The following RASSF4 variants were observed in gnomAD, a reference collection of about 807,000 sequenced individuals.
RASSF4 encodes Ras association domain family member 4.
RASSF4 carries 38 observed loss-of-function variants against 41.1 expected under a neutral mutation model. That is an observed-to-expected ratio of 0.92 (90% CI 0.71 to 1.21). The LOEUF (loss-of-function observed/expected upper bound fraction) is 1.21. Among genes scored for constraint, RASSF4 ranks in the 50% most tolerant of loss-of-function variants. RASSF4 has a pLI of 0.00. For missense variants in RASSF4, 414 were observed against 419.4 expected, an observed-to-expected ratio of 0.99 and a Z score of 0.11; for synonymous variants, 179 against 163.4, an observed-to-expected ratio of 1.10 and a Z score of -0.73.
chr10:44,964,518 G>A (rs933857453), intron 1 of RASSF4, among the ~76,000 whole-genome samples: 4 of 152,240 alleles, frequency 2.6e-5, no homozygotes, highest in African/African-American at 9.6e-5. Flanking sequence ...AGCCTGGGTG[G>A]CAGGCCAGCC....
chr10:44,974,645 C>T (rs1337247976), intron 3 of RASSF4, among the ~76,000 whole-genome samples: 1 of 152,126 alleles, frequency 6.6e-6, no homozygotes, highest in African/African-American at 2.4e-5. Context: ...GTCACTGCCC[C>T]TCACCCGCAG....
At position 44,993,794 on chromosome 10, in the gene RASSF4, G is replaced by A. The variant is rs1230916506; in HGVS notation, c.*465G>A. ...AAGCAGGGCCTGCCAGCAGGTATGAGATCTAGCCTGCTTTCAGCCATCACC... is the reference window on the plus strand; with the variant it reads ...AAGCAGGGCCTGCCAGCAGGTATGAAATCTAGCCTGCTTTCAGCCATCACC... On this transcript the variant is annotated 3_prime_UTR_variant, in exon 11 of 11. Transcript: ENST00000340258. 1 of 162,696 alleles carries A rather than the reference G, an allele frequency of 6.1e-6. No individual in the cohort carries two copies. The highest frequency in any genetic ancestry group is 1.4e-5 in the Non-Finnish European group (1 of 73,776). 10.1% of individuals were successfully genotyped at this position (162,696 alleles called of 1,614,324 possible).
intron 1 of RASSF4, among the ~76,000 whole-genome samples, chr10:44,962,795 G>A (rs1840755521): frequency 6.6e-6 from 1 of 152,244 alleles, no homozygotes; most frequent in African/African-American, 2.4e-5. Flanking sequence ...GGTTCCAGGA[G>A]CAGAGAATGT....
At position 44,995,768 on chromosome 10, in the gene RASSF4, G is replaced by T. The variant is rs1348517841; in HGVS notation, c.*2439G>T. The T allele has an allele frequency of 1.3e-5, 2 of 152,112 alleles. No homozygotes were observed. Among genetic ancestry groups the T allele is most frequent in the African/African-American group, 4.8e-5 (2 of 41,394 alleles). 9.4% of individuals were successfully genotyped at this position (152,112 alleles called of 1,614,324 possible). A position where few individuals can be genotyped will look rare whatever the true frequency, so the allele number is the denominator to read the frequency against. On this transcript the variant is annotated 3_prime_UTR_variant, in exon 11 of 11. Transcript: ENST00000340258. ...TCAAACGTTAGAGGCTGGTCTCTGT[G>T]GTTTCCTACTGGTTCCTGTGGGGAG...
In RASSF4 at chr10:44,977,122, G is replaced by C. The variant is rs1296593747; in HGVS notation, c.138+5274G>C. 4.1e-5 allele frequency: 16 copies of C among 392,042 alleles called. No homozygotes were observed. The East Asian group carries it at 6.4e-4, about 16-fold the overall frequency. 24.3% of individuals were successfully genotyped at this position (392,042 alleles called of 1,614,324 possible). A position where few individuals can be genotyped will look rare whatever the true frequency, so the allele number is the denominator to read the frequency against. On this transcript the variant is annotated intron_variant, in intron 3 of 10. Coordinates refer to ENST00000340258, the MANE Select transcript of RASSF4 (RefSeq NM_032023.4). ...GTAATTATCCCTATATTACCCATGA[G>C]AAACTGAGGAACACAGATGTTAAGT... is the stretch of plus-strand genomic sequence containing the variant.
intron 2 of RASSF4, chr10:44,971,382 G>A: frequency 2.5e-6 from 1 of 407,518 alleles, no homozygotes; most frequent in Non-Finnish European, 5.0e-6. Flanking sequence ...GAAGTGATAT[G>A]GGGAAAAGCA....
At chr10:44,963,962 C>T (rs1362016399) in intron 1 of RASSF4, among the ~76,000 whole-genome samples, 4 of 152,216 alleles carry the variant, frequency 2.6e-5, no homozygotes, top group Non-Finnish European at 5.9e-5. Flanking sequence ...GTCACGAAAG[C>T]CTCACTTCAC....
chr10:44,971,595 C>T, intron 2 of RASSF4, 178 bp from the exon 3 acceptor site: 1 of 699,608 alleles, frequency 1.4e-6, no homozygotes, highest in Non-Finnish European at 2.6e-6. Flanking sequence ...GGGCCATGTG[C>T]AGAACCATCC....
chr10:44,975,954 G>A (rs1448744833), intron 3 of RASSF4, among the ~76,000 whole-genome samples: 1 of 151,990 alleles, frequency 6.6e-6, no homozygotes, highest in African/African-American at 2.4e-5. Context: ...GGGCTGTAGT[G>A]AGGCTGGGCC....
chr10:44,984,658 G>A (rs975583284), intron 5 of RASSF4, 155 bp from the exon 6 acceptor site: 38 of 836,506 alleles, frequency 4.5e-5, no homozygotes, highest in Non-Finnish European at 6.9e-5. Context: ...TGCAAGCTGG[G>A]AATATCCAGC....
intron 1 of RASSF4, among the ~76,000 whole-genome samples, chr10:44,961,143 T>C (rs750963032): frequency 1.3e-5 from 2 of 152,208 alleles, no homozygotes; most frequent in Non-Finnish European, 2.9e-5. Flanking sequence ...TGTCAGTGTA[T>C]GTGAAGGCTG....
chr10:44,975,798 TA>T (rs1415008366), intron 3 of RASSF4, among the ~76,000 whole-genome samples: 1 of 151,282 alleles, frequency 6.6e-6, no homozygotes, highest in Non-Finnish European at 1.5e-5. Context: ...AGCTGGGTAT[TA>T]GTGAGGAAGC....
Position 44,970,227 on chromosome 10 carries a change from T to G in RASSF4, c.25T>G (p.Ser9Ala), listed in dbSNP as rs1841092967. 1 of 1,613,960 alleles carries G rather than the reference T, an allele frequency of 6.2e-7. No individual in the cohort carries two copies. The highest frequency in any genetic ancestry group is 8.5e-7 in the Non-Finnish European group (1 of 1,179,934). MKEDCLPS[S>A]HVPISDSKSI... ...GATGAAGGAAGACTGTCTGCCGAGT[T>G]CTCACGTGCCCATCAGTGACAGCAA... The change falls in exon 2 of 11, where the codon TCT becomes GCT. Residue 9 changes from serine (S) to alanine (A), a missense_variant. Physicochemically the swap from Ser to Ala is moderately conservative, Grantham distance 99. Transcript: ENST00000340258.
chr10:44,985,949 C>T (rs954123249), intron 6 of RASSF4, among the ~76,000 whole-genome samples: 2 of 152,232 alleles, frequency 1.3e-5, no homozygotes, highest in Admixed American at 1.3e-4. Flanking sequence ...AAAGGGGACC[C>T]AGGATTGAAG....
chr10:44,993,138 T>A, intron 10 of RASSF4, 131 bp from the exon 11 acceptor site: 1 of 726,412 alleles, frequency 1.4e-6, no homozygotes, highest in East Asian at 2.7e-5. Flanking sequence ...GCCTTCCCCC[T>A]CCTTGGCAGA....
At chr10:44,962,352 TTGTG>T (rs1840739786) in intron 1 of RASSF4, among the ~76,000 whole-genome samples, 1 of 152,224 alleles carries the variant, frequency 6.6e-6, no homozygotes, top group South Asian at 2.1e-4. Context: ...GATATGCAAA[TTGTG>T]TGTGTGTTTG....
intron 8 of RASSF4, 71 bp downstream of exon 8, chr10:44,989,792 C>G: frequency 3.0e-6 from 4 of 1,337,938 alleles, no homozygotes; most frequent in Non-Finnish European, 4.3e-6. Flanking sequence ...CCCCTCCCCA[C>G]CAACCACTGA....
chr10:44,960,617 G>A (rs1200311797), intron 1 of RASSF4, among the ~76,000 whole-genome samples: 2 of 152,204 alleles, frequency 1.3e-5, no homozygotes, highest in Admixed American at 6.5e-5. Context: ...AACCTGGCAC[G>A]GCGGAGGGAG....
rs1564469746 is a variant in RASSF4 at position 44,991,962 on chromosome 10, AAAG to A, written c.870_872del (p.Glu293del). 6 of 1,613,284 alleles carry A rather than the reference AAAG, an allele frequency of 3.7e-6. No homozygotes were observed. Among genetic ancestry groups the A allele is most frequent in the Non-Finnish European group, 5.1e-6 (6 of 1,179,246 alleles). On this transcript the variant is annotated inframe_deletion, in exon 10 of 11. Transcript: ENST00000340258. ...GCTGGACAGTTTTGTTGAAAAATTA[AAAG>A]AAGAGGAAGAAAGAGAAATAATCAA...
Sources: allele counts gnomAD v4.1 joint callset (sites outside exome capture counted in the v4.1 genomes callset), GRCh38; gene constraint gnomAD v4.1.1; transcripts MANE v1.5; gene names NCBI Gene and HGNC (gene_info 2026-07-23, HGNC 2026-07-21).